The following SESTD1 variants were observed in gnomAD, a reference collection of about 807,000 sequenced individuals.
SESTD1 encodes SEC14 and spectrin domain containing 1.
Under a neutral mutation model 101.7 loss-of-function variants are expected in SESTD1, and 43 were observed. That is an observed-to-expected ratio of 0.42 (90% confidence interval 0.33 to 0.55). SESTD1 has a LOEUF of 0.55. Among genes scored for constraint, SESTD1 ranks in the 20% least tolerant of loss-of-function variants. The pLI, the probability that SESTD1 is intolerant of heterozygous loss-of-function variation, is 0.07. For synonymous variants in SESTD1, 283 were observed against 286.8 expected (o/e 0.99, Z 0.13); for missense variants, 647 against 815.1 (o/e 0.79, Z 2.51).
In SESTD1 at chr2:179,106,585, T is replaced by G. The variant is rs534670710; in HGVS notation, c.*3314A>C. ...GTACGACACTAATAATACCACTCCGTATGTCAGCTAATAAGATAACGAAAT... is the reference window on the plus strand; with the variant it reads ...GTACGACACTAATAATACCACTCCGGATGTCAGCTAATAAGATAACGAAAT... On this transcript the variant is annotated 3_prime_UTR_variant, in exon 18 of 18. Transcript: ENST00000428443. The G allele has an allele frequency of 5.3e-5, 8 of 152,178 alleles. No individual in the cohort carries two copies. The highest frequency in any genetic ancestry group is 1.9e-4 in the African/African-American group (8 of 41,454). The allele number at this position is 152,178 out of a possible 1,614,324, so 9.4% of individuals were successfully genotyped here.
In SESTD1 at chr2:179,221,743, C is replaced by T. The variant is rs184529564; in HGVS notation, c.-25-29877G>A. ...GACCAGCCTGGGCAACACAGTGTGA[C>T]CCCATCTCCACAAAAAATAAAAAAA... On this transcript the variant is annotated intron_variant, in intron 1 of 17. Coordinates refer to ENST00000428443, the MANE Select transcript of SESTD1 (RefSeq NM_178123.5). 5.9e-5 allele frequency among the ~76,000 whole-genome samples: 9 copies of T among 151,608 alleles called. No individual in the cohort carries two copies. The East Asian group carries it at 1.6e-3, about 26-fold the overall frequency.
chr2:179,207,463 A>T lies in SESTD1; in HGVS notation c.-25-15597T>A, dbSNP rs188419525. Among the ~76,000 whole-genome samples, 754 of 133,536 alleles carry T rather than the reference A, an allele frequency of 5.6e-3. 182 individuals carry two copies. The highest frequency in any genetic ancestry group is 0.021 in the African/African-American group (713 of 33,616). 87.6% of individuals were successfully genotyped at this position (133,536 alleles called of 152,430 possible). On this transcript the variant is annotated intron_variant, in intron 1 of 17. Transcript: ENST00000428443. ...GCACCAAACAAAACTAAAATCAAGG[A>T]CTCCCACAGAGTCCACCTTATTTAC...
intron 1 of SESTD1, among the ~76,000 whole-genome samples, chr2:179,260,333 T>C (rs758555548): frequency 3.9e-5 from 6 of 152,128 alleles, no homozygotes; most frequent in African/African-American, 9.7e-5. Context: ...CTTGGCAACA[T>C]TGAGAAACTT....
At chr2:179,173,309 G>C (rs1397800175) in intron 4 of SESTD1, among the ~76,000 whole-genome samples, 2 of 151,952 alleles carry the variant, frequency 1.3e-5, no homozygotes. Flanking sequence ...TTTCTTCATA[G>C]CATTTATCAC....
chr2:179,171,612 C>G (rs754870405), intron 5 of SESTD1, among the ~76,000 whole-genome samples: 5 of 152,120 alleles, frequency 3.3e-5, no homozygotes, highest in Non-Finnish European at 7.4e-5. Flanking sequence ...GATTTACATT[C>G]CATCATAGTG....
chr2:179,138,212 C>T (rs1300890034), intron 9 of SESTD1, among the ~76,000 whole-genome samples: 1 of 152,176 alleles, frequency 6.6e-6, no homozygotes, highest in Non-Finnish European at 1.5e-5. Context: ...CCAGTTTCTT[C>T]CTTACCCAGT....
intron 1 of SESTD1, among the ~76,000 whole-genome samples, chr2:179,220,790 G>C (rs1470372699): frequency 6.6e-6 from 1 of 151,938 alleles, no homozygotes; most frequent in Admixed American, 6.6e-5. Flanking sequence ...AATTTCTCTG[G>C]GTCATTACAA....
intron 1 of SESTD1, among the ~76,000 whole-genome samples, chr2:179,251,119 T>G (rs1446078587): frequency 1.3e-5 from 2 of 152,202 alleles, no homozygotes; most frequent in Non-Finnish European, 2.9e-5. Context: ...GAGTAACCTG[T>G]GTATGAATCT....
intron 13 of SESTD1, among the ~76,000 whole-genome samples, chr2:179,118,814 T>C (rs533447239): frequency 1.3e-5 from 2 of 152,340 alleles, no homozygotes; most frequent in East Asian, 3.9e-4. Flanking sequence ...ATGTTATAAG[T>C]ACTATTATAA....
intron 1 of SESTD1, among the ~76,000 whole-genome samples, chr2:179,199,920 G>T (rs1404903128): frequency 6.6e-6 from 1 of 152,002 alleles, no homozygotes; most frequent in Non-Finnish European, 1.5e-5. Context: ...GGAAGTTCTG[G>T]CCAGGGCAAT....
chr2:179,240,955 T>A (rs1295954870), intron 1 of SESTD1, among the ~76,000 whole-genome samples: 1 of 152,028 alleles, frequency 6.6e-6, no homozygotes, highest in Non-Finnish European at 1.5e-5. Context: ...CAAGGAATTA[T>A]GAACATGTTT....
At chr2:179,243,934 A>ATG (rs1356690299) in intron 1 of SESTD1, among the ~76,000 whole-genome samples, 11 of 137,152 alleles carry the variant, frequency 8.0e-5, no homozygotes, top group South Asian at 7.8e-4. Flanking sequence ...AAATATATAT[A>ATG]TATGTGTGTG....
chr2:179,183,055 T>TAAGAA (rs2046145350), intron 3 of SESTD1, 25 bp downstream of exon 3: 1 of 1,471,304 alleles, frequency 6.8e-7, no homozygotes, highest in Non-Finnish European at 9.3e-7. Flanking sequence ...TACTGAGATT[T>TAAGAA]AAGAAAAGAC....
intron 13 of SESTD1, among the ~76,000 whole-genome samples, chr2:179,121,498 T>C (rs991335361): frequency 3.9e-5 from 6 of 152,100 alleles, no homozygotes; most frequent in African/African-American, 1.2e-4. Flanking sequence ...AGAAGAGTCA[T>C]AGACTACACT....
At chr2:179,196,365 C>T (rs1358624010) in intron 1 of SESTD1, among the ~76,000 whole-genome samples, 3 of 152,204 alleles carry the variant, frequency 2.0e-5, no homozygotes, top group Non-Finnish European at 4.4e-5. Context: ...TGCAAGGTGG[C>T]AGTGAGGCTG....
At chr2:179,117,389 T>C (rs983694656) in intron 14 of SESTD1, 143 bp downstream of exon 14, 9 of 621,018 alleles carry the variant, frequency 1.4e-5, no homozygotes, top group African/African-American at 6.8e-5. Context: ...CCAAAGTGTA[T>C]TCTTCAACAA....
intron 10 of SESTD1, among the ~76,000 whole-genome samples, chr2:179,127,229 C>T (rs2044894110): frequency 1.3e-5 from 2 of 152,198 alleles, no homozygotes; most frequent in Non-Finnish European, 2.9e-5. Flanking sequence ...GTTTCTACTG[C>T]TGTGTCCTCT....
At position 179,240,458 on chromosome 2, in the gene SESTD1, G is replaced by A. The variant is rs531148515; in HGVS notation, c.-26+24041C>T. Among the ~76,000 whole-genome samples, 5 of 152,258 alleles carry A rather than the reference G, an allele frequency of 3.3e-5. No individual in the cohort carries two copies. In the East Asian group the frequency reaches 9.6e-4, roughly 29 times the overall value. ...AGAAAGGAACACAGACTGACTAGGG[G>A]CCTCAGGACCTAAGATTAAGTTTCC... On this transcript the variant is annotated intron_variant, in intron 1 of 17. Coordinates refer to ENST00000428443, the MANE Select transcript of SESTD1 (RefSeq NM_178123.5).
chr2:179,157,813 T>G lies in SESTD1; in HGVS notation c.370-6422A>C, dbSNP rs796907921. On this transcript the variant is annotated intron_variant, in intron 5 of 17. Transcript: ENST00000428443. ...AATATGAGGATGAATAAGATATGCT[T>G]CTGGCAAAGAAATTATCTTTTCATT... 1.3e-4 allele frequency among the ~76,000 whole-genome samples: 20 copies of G among 152,312 alleles called. 1 individual carries two copies. The highest frequency in any genetic ancestry group is 4.8e-4 in the African/African-American group (20 of 41,574).
Sources: gnomAD v4.1 joint callset for allele counts (sites outside exome capture counted in the v4.1 genomes callset) on GRCh38, gnomAD v4.1.1 for gene constraint, MANE v1.5 for transcripts, NCBI Gene and HGNC (gene_info 2026-07-23, HGNC 2026-07-21) for gene names.